Variants in XXYLT1 observed in about 807,000 individuals in gnomAD.
XXYLT1 encodes the protein xyloside xylosyltransferase 1, also known as UDP-xylose:alpha-xyloside alpha-1,3-xylosyltransferase.
A neutral mutation model predicts 28.9 loss-of-function variants in XXYLT1; 20 were observed. That is an observed-to-expected ratio of 0.69 (90% confidence interval 0.49 to 1.00). XXYLT1 has a LOEUF of 1.00. Among genes scored for constraint, XXYLT1 ranks in the 50% least tolerant of loss-of-function variants. The pLI, the probability that XXYLT1 is intolerant of heterozygous loss-of-function variation, is 0.00. For synonymous variants in XXYLT1, 257 were observed against 253.8 expected, an observed-to-expected ratio of 1.01 and a Z score of -0.12; for missense variants, 542 against 560.1, an observed-to-expected ratio of 0.97 and a Z score of 0.33.
chr3:195,228,230 C>T lies in XXYLT1; in HGVS notation c.505-1374G>A, dbSNP rs538894554. On this transcript the variant is annotated intron_variant, in intron 1 of 3. Transcript: ENST00000310380. ...CTGAACAGGTGCCAGCAGCAAAAGG[C>T]AAAGCCACGTGAACCCCTGACTGCC... 2.6e-5 allele frequency among the ~76,000 whole-genome samples: 4 copies of T among 152,292 alleles called. No homozygotes were observed. The South Asian group carries it at 8.3e-4, about 32-fold the overall frequency.
At chr3:195,204,399 G>A (rs1577143036) in intron 2 of XXYLT1, among the ~76,000 whole-genome samples, 1 of 151,966 alleles carries the variant, frequency 6.6e-6, no homozygotes, top group East Asian at 1.9e-4. Flanking sequence ...AGCAAAGCTG[G>A]CATGGGTCTG....
intron 2 of XXYLT1, among the ~76,000 whole-genome samples, chr3:195,198,134 G>A (rs1722706776): frequency 6.6e-6 from 1 of 152,204 alleles, no homozygotes; most frequent in Non-Finnish European, 1.5e-5. Flanking sequence ...ACTCAATTCT[G>A]TCTGGCTTGG....
chr3:195,149,902 G>C (rs1316813505), intron 3 of XXYLT1, among the ~76,000 whole-genome samples: 1 of 152,194 alleles, frequency 6.6e-6, no homozygotes, highest in Non-Finnish European at 1.5e-5. Context: ...TAGCTGCGAG[G>C]AAGCCGGGAG....
At chr3:195,250,790 G>A (rs1016915963) in intron 1 of XXYLT1, among the ~76,000 whole-genome samples, 3 of 152,194 alleles carry the variant, frequency 2.0e-5, no homozygotes, top group Non-Finnish European at 4.4e-5. Flanking sequence ...CTGCCAGGAT[G>A]TAAGCGCTAC....
rs1188504592 is a variant in XXYLT1, at chr3:195,209,062, G to A, written c.652+17647C>T. Among the ~76,000 whole-genome samples, 2 of 152,220 alleles carry A rather than the reference G, an allele frequency of 1.3e-5. No homozygotes were observed. The highest frequency in any genetic ancestry group is 2.9e-5 in the Non-Finnish European group (2 of 68,032). ...CTGACTCCCCCAACCCAAGACAGAA[G>A]GGAAGCCATCGCCCACCTCCCCTTA... On this transcript the variant is annotated intron_variant, in intron 2 of 3. Coordinates refer to ENST00000310380, the MANE Select transcript of XXYLT1 (RefSeq NM_152531.5). The surrounding 1 kb of genome is among the most constrained non-coding windows in gnomAD (Gnocchi z 5.0).
chr3:195,234,955 G>GTC (rs1242102887), intron 1 of XXYLT1, among the ~76,000 whole-genome samples: 1 of 150,898 alleles, frequency 6.6e-6, no homozygotes, highest in Middle Eastern at 3.4e-3. Flanking sequence ...TTCTACTGCT[G>GTC]TCTCTCTCTC....
At chr3:195,229,539 C>A (rs975182583) in intron 1 of XXYLT1, among the ~76,000 whole-genome samples, 1 of 152,226 alleles carries the variant, frequency 6.6e-6, no homozygotes, top group East Asian at 1.9e-4. Flanking sequence ...CCCCAACTCA[C>A]TCCACTACTT....
intron 2 of XXYLT1, among the ~76,000 whole-genome samples, chr3:195,162,883 G>A (rs1029461521): frequency 2.0e-5 from 3 of 152,166 alleles, no homozygotes; most frequent in Non-Finnish European, 2.9e-5. Context: ...AATACACAGG[G>A]GAAATGGAAT....
At chr3:195,142,933 T>C (rs1719568874) in intron 3 of XXYLT1, among the ~76,000 whole-genome samples, 1 of 152,220 alleles carries the variant, frequency 6.6e-6, no homozygotes, top group Non-Finnish European at 1.5e-5. Flanking sequence ...CAAAAGCATC[T>C]TCGGGCACCG....
chr3:195,113,357 C>T (rs931422054), intron 3 of XXYLT1, among the ~76,000 whole-genome samples: 1 of 152,114 alleles, frequency 6.6e-6, no homozygotes, highest in Admixed American at 6.6e-5. Context: ...GGTGCACTAA[C>T]GTATATTAAC....
chr3:195,238,272 C>A (rs1202896682), intron 1 of XXYLT1, among the ~76,000 whole-genome samples: 1 of 152,190 alleles, frequency 6.6e-6, no homozygotes, highest in Non-Finnish European at 1.5e-5. Flanking sequence ...GTAATTACCT[C>A]TCCCAGCCCC....
rs149849737 is a variant in XXYLT1 at position 195,150,870 on chromosome 3, T to TCTCTCC, written c.785+5573_785+5578dup. 3.5e-5 allele frequency among the ~76,000 whole-genome samples: 3 copies of TCTCTCC among 86,938 alleles called. No homozygotes were observed. The highest frequency in any genetic ancestry group is 9.2e-4 in the East Asian group (1 of 1,084). The allele number at this position is 86,938 out of a possible 152,430, so 57.0% of individuals were successfully genotyped here. ...CACACACTCTCACACACACACACAC[T>TCTCTCC]CTCTCCCTCTCCCTCTCCCTCTCTC... On this transcript the variant is annotated intron_variant, in intron 3 of 3. Transcript: ENST00000310380. This position sits in a 1 kb window ranked among gnomAD's most constrained non-coding sequence, Gnocchi z 4.7.
chr3:195,241,141 C>T (rs1265073913), intron 1 of XXYLT1, among the ~76,000 whole-genome samples: 3 of 152,212 alleles, frequency 2.0e-5, no homozygotes, highest in Non-Finnish European at 2.9e-5. Context: ...CTTTCAGGAC[C>T]GACACCTACT....
At chr3:195,270,416 G>C in intron 1 of XXYLT1, 139 bp downstream of exon 1, 1 of 1,338,692 alleles carries the variant, frequency 7.5e-7, no homozygotes. Context: ...CCCGCAGGTT[G>C]TGAACACTAC....
chr3:195,245,022 C>G (rs535153794), intron 1 of XXYLT1, among the ~76,000 whole-genome samples: 1 of 150,534 alleles, frequency 6.6e-6, no homozygotes, highest in African/African-American at 2.4e-5. Context: ...CAAAATTAGC[C>G]GGGGGTGGTG....
chr3:195,222,059 C>T (rs1479744315), intron 2 of XXYLT1, among the ~76,000 whole-genome samples: 1 of 152,196 alleles, frequency 6.6e-6, no homozygotes, highest in Non-Finnish European at 1.5e-5. Flanking sequence ...CAGGGCAAAA[C>T]TCATGGGTTT....
chr3:195,161,475 T>C (rs541780365), intron 2 of XXYLT1, among the ~76,000 whole-genome samples: 124 of 152,146 alleles, frequency 8.2e-4, no homozygotes, highest in African/African-American at 2.9e-3. Context: ...CCCCCAACCA[T>C]GACCACCTCC....
rs1191254575 is a variant in XXYLT1, at chr3:195,168,952, G to C, written c.653-12371C>G. ...TTACCTCTGATTCCACCCACTCCCT[G>C]TGCAGTTACCTACTTCTGGGAAACA... is the stretch of plus-strand genomic sequence containing the variant. On this transcript the variant is annotated intron_variant, in intron 2 of 3. Coordinates refer to ENST00000310380, the MANE Select transcript of XXYLT1 (RefSeq NM_152531.5). This position sits in a 1 kb window ranked among gnomAD's most constrained non-coding sequence, Gnocchi z 4.3. Among the ~76,000 whole-genome samples, 3 of 152,174 alleles carry C rather than the reference G, an allele frequency of 2.0e-5. No individual in the cohort carries two copies. The highest frequency in any genetic ancestry group is 2.9e-5 in the Non-Finnish European group (2 of 68,040).
At chr3:195,223,489 A>C (rs1248236977) in intron 2 of XXYLT1, among the ~76,000 whole-genome samples, 2 of 152,216 alleles carry the variant, frequency 1.3e-5, no homozygotes, top group Non-Finnish European at 2.9e-5. Flanking sequence ...GCTATGAAAG[A>C]AACAGAATAG....
Sources: allele counts gnomAD v4.1 joint callset (sites outside exome capture counted in the v4.1 genomes callset), GRCh38; gene constraint gnomAD v4.1.1; non-coding constraint Gnocchi (gnomAD v3.1); transcripts MANE v1.5; gene names NCBI Gene and HGNC (gene_info 2026-07-23, HGNC 2026-07-21).